The following QRICH1 variants were observed in gnomAD, a reference collection of about 807,000 sequenced individuals.
The protein encoded by QRICH1 is glutamine rich 1, also known as transcriptional regulator QRICH1.
In QRICH1, 16 loss-of-function variants were observed where a neutral mutation model predicts 87.1. That is an observed-to-expected ratio of 0.18 (90% CI 0.12 to 0.28). QRICH1 has a LOEUF of 0.28. Ranked by LOEUF, QRICH1 falls within the 10% of genes least tolerant of loss-of-function variation. The probability of loss-of-function intolerance (pLI) is 1.00; values close to 1 mark genes in which losing one functional copy is unlikely to be tolerated. For synonymous variants in QRICH1, 367 were observed against 368.4 expected (o/e 1.00, Z 0.05); for missense variants, 647 against 951.7 (o/e 0.68, Z 4.21).
intron 6 of QRICH1, among the ~76,000 whole-genome samples, chr3:49,036,572 G>A (rs916434389): frequency 2.0e-5 from 3 of 152,042 alleles, no homozygotes; most frequent in South Asian, 2.1e-4. Flanking sequence ...CATTAAATAC[G>A]TTTAAATCTG....
intron 6 of QRICH1, chr3:49,033,447 C>T (rs1266007529): frequency 1.3e-5 from 5 of 372,162 alleles, no homozygotes; most frequent in Admixed American, 4.6e-5. Flanking sequence ...GCACTTCTAA[C>T]ACCACACTTG....
chr3:49,060,799 G>C (rs1368061245), intron 2 of QRICH1, among the ~76,000 whole-genome samples: 1 of 152,074 alleles, frequency 6.6e-6, no homozygotes, highest in African/African-American at 2.4e-5. Context: ...ATCGTGAACT[G>C]CAAATGTGAG....
intron 6 of QRICH1, among the ~76,000 whole-genome samples, chr3:49,039,618 CAAAAAAAAAAAA>C (rs899570014): frequency 1.2e-3 from 20 of 16,356 alleles, no homozygotes; most frequent in African/African-American, 5.0e-3. Flanking sequence ...GACTCCATCT[CAAAAAAAAAAAA>C]AAAAAAAAAA....
At chr3:49,071,044 A>C (rs906196387) in intron 2 of QRICH1, among the ~76,000 whole-genome samples, 9 of 145,500 alleles carry the variant, frequency 6.2e-5, no homozygotes, top group Non-Finnish European at 1.2e-4. Context: ...GTCTCAAAAA[A>C]CACTCCAAAC....
Position 49,032,159 on chromosome 3 carries a change from C to T in QRICH1, c.2138+24G>A, listed in dbSNP as rs1437725678. 2.6e-6 allele frequency: 4 copies of T among 1,559,904 alleles called. No homozygotes were observed. In the Admixed American group the frequency reaches 6.7e-5, roughly 26 times the overall value. The stretch of plus-strand genomic sequence containing the variant: ...ATACACACACATGCGCACACATGGA[C>T]AGCAAGTCACAATAAAGCCTCACCA... On this transcript the variant is annotated intron_variant, in intron 9 of 9. Transcript: ENST00000395443.
At chr3:49,074,887 G>C (rs963434946) in intron 2 of QRICH1, among the ~76,000 whole-genome samples, 1 of 151,910 alleles carries the variant, frequency 6.6e-6, no homozygotes, top group Non-Finnish European at 1.5e-5. Flanking sequence ...GCTGAGGCAG[G>C]AGAATGGCGT....
chr3:49,065,500 T>C (rs2093462850), intron 2 of QRICH1, among the ~76,000 whole-genome samples: 1 of 152,182 alleles, frequency 6.6e-6, no homozygotes, highest in South Asian at 2.1e-4. Flanking sequence ...TGAATTCTCC[T>C]ATCTGCTTCC....
intron 2 of QRICH1, among the ~76,000 whole-genome samples, chr3:49,063,696 G>A (rs1433624617): frequency 6.6e-6 from 1 of 152,184 alleles, no homozygotes; most frequent in African/African-American, 2.4e-5. Context: ...GGCTGAGGAA[G>A]GAAGACTACT....
chr3:49,030,440 G>A lies in QRICH1; in HGVS notation c.*12C>T. 3.1e-6 allele frequency: 5 copies of A among 1,611,544 alleles called. No individual in the cohort carries two copies. Among genetic ancestry groups the A allele is most frequent in the Non-Finnish European group, 4.2e-6 (5 of 1,179,242 alleles). Reference sequence around the variant, plus strand: ...TCCTGGCTGGTTTCTCTTGTGCCATGGCCAAGGCATCTCAGTGCATAGTGC... The same window carrying A: ...TCCTGGCTGGTTTCTCTTGTGCCATAGCCAAGGCATCTCAGTGCATAGTGC... On this transcript the variant is annotated 3_prime_UTR_variant, in exon 10 of 10. Transcript: ENST00000395443.
intron 1 of QRICH1, among the ~76,000 whole-genome samples, chr3:49,091,165 G>C (rs2042268694): frequency 6.6e-6 from 1 of 152,208 alleles, no homozygotes; most frequent in Non-Finnish European, 1.5e-5. Context: ...AGAGGTTGCA[G>C]TGAGCCAAGA....
intron 9 of QRICH1, among the ~76,000 whole-genome samples, chr3:49,031,520 G>A (rs904701768): frequency 6.6e-6 from 1 of 152,164 alleles, no homozygotes; most frequent in East Asian, 1.9e-4. Flanking sequence ...TACCCATGGA[G>A]CTTACAGATA....
rs1345113533 is a variant in QRICH1 at position 49,077,055 on chromosome 3, G to A, written c.-21-17C>T. ...TTAGGGTTCCTAGAAATAAACAGAA[G>A]TCAAAATTATGTTACTGTTTTTAGC... On this transcript the variant is annotated splice_polypyrimidine_tract_variant and intron_variant, in intron 1 of 9. Transcript: ENST00000395443. 4 of 1,326,186 alleles carry A rather than the reference G, an allele frequency of 3.0e-6. No individual in the cohort carries two copies. The highest frequency in any genetic ancestry group is 4.0e-6 in the Non-Finnish European group (4 of 1,004,642). 82.2% of individuals were successfully genotyped at this position (1,326,186 alleles called of 1,614,324 possible).
intron 3 of QRICH1, among the ~76,000 whole-genome samples, 194 bp from the exon 4 acceptor site, chr3:49,047,440 C>A (rs1302853282): frequency 1.3e-5 from 2 of 149,968 alleles, no homozygotes; most frequent in African/African-American, 2.5e-5. Flanking sequence ...TGCAACTGGG[C>A]TAGTGCAGTG....
At chr3:49,060,149 C>T (rs12491743) in intron 2 of QRICH1, among the ~76,000 whole-genome samples, 97,566 of 148,836 alleles carry the variant, frequency 0.66, 32,370 homozygotes, top group East Asian at 0.95. Flanking sequence ...TCCCAAAGTG[C>T]TGGGATTACA....
In QRICH1 at chr3:49,066,450, ATTTAC is replaced by A. The variant is rs1370083771; in HGVS notation, c.310-8565_310-8561del. On this transcript the variant is annotated intron_variant, in intron 2 of 9. Coordinates refer to ENST00000395443, the MANE Select transcript of QRICH1 (RefSeq NM_198880.3). ...GCTTCATGCTTTACTGTATTTCTTA[ATTTAC>A]TTTACTTTTCTTTTTTTTTTTTTGT... is the stretch of plus-strand genomic sequence containing the variant. Among the ~76,000 whole-genome samples the A allele has an allele frequency of 1.2e-4, 18 of 151,674 alleles. No homozygotes were observed. In the East Asian group the frequency reaches 2.3e-3, roughly 20 times the overall value.
Position 49,069,722 on chromosome 3 carries a change from C to T in QRICH1, c.309+6987G>A, listed in dbSNP as rs188740528. ...CTTGAATTCCTGAACTCAAAGGATC[C>T]TCCTGCCTCAGCCTCCCAAAGTACT... On this transcript the variant is annotated intron_variant, in intron 2 of 9. Coordinates refer to ENST00000395443, the MANE Select transcript of QRICH1 (RefSeq NM_198880.3). Among the ~76,000 whole-genome samples the T allele has an allele frequency of 1.2e-4, 18 of 151,720 alleles. No homozygotes were observed. In the East Asian group the frequency reaches 2.5e-3, roughly 21 times the overall value.
intron 5 of QRICH1, among the ~76,000 whole-genome samples, chr3:49,046,060 C>T (rs2093337653): frequency 6.6e-6 from 1 of 151,820 alleles, no homozygotes; most frequent in Non-Finnish European, 1.5e-5. Context: ...GGATTATAGG[C>T]AGTGCACCAC....
At chr3:49,078,000 A>T (rs1347755850) in intron 1 of QRICH1, among the ~76,000 whole-genome samples, 3 of 152,186 alleles carry the variant, frequency 2.0e-5, no homozygotes, top group Non-Finnish European at 2.9e-5. Flanking sequence ...CAATCTGTGG[A>T]CTGCTGACCC....
chr3:49,076,557 A>G, intron 2 of QRICH1, 152 bp downstream of exon 2: 1 of 799,828 alleles, frequency 1.3e-6, no homozygotes, highest in Non-Finnish European at 1.8e-6. Context: ...AAAAAGGAGA[A>G]GAAAGAAAAA....
Sources: gnomAD v4.1 joint callset for allele counts (sites outside exome capture counted in the v4.1 genomes callset) on GRCh38, gnomAD v4.1.1 for gene constraint, MANE v1.5 for transcripts, NCBI Gene and HGNC (gene_info 2026-07-23, HGNC 2026-07-21) for gene names.